The following TMEM68 variants were observed in gnomAD, a reference collection of about 807,000 sequenced individuals.
The protein encoded by TMEM68 is DGAT1/2-independent enzyme synthesizing storage lipids.
In TMEM68, 25 loss-of-function variants were observed where a neutral mutation model predicts 36.9. The ratio of observed to expected loss-of-function variants is 0.68; its 90% CI spans 0.49 to 0.95. The LOEUF (loss-of-function observed/expected upper bound fraction) is 0.95. TMEM68 is among the 40% of genes least tolerant of loss of function. The probability of loss-of-function intolerance (pLI) is 0.00; values close to 1 mark genes in which losing one functional copy is unlikely to be tolerated. For synonymous variants in TMEM68, 131 were observed against 124.4 expected (o/e 1.05, Z -0.35); for missense variants, 333 against 392.0 (o/e 0.85, Z 1.27).
chr8:55,744,758 T>C (rs1048293209), intron 6 of TMEM68, among the ~76,000 whole-genome samples: 3 of 152,232 alleles, frequency 2.0e-5, no homozygotes, highest in African/African-American at 7.2e-5. Context: ...GTTGGGATAG[T>C]TTGTAAATGT....
At chr8:55,753,153 A>C (rs553020318) in intron 4 of TMEM68, among the ~76,000 whole-genome samples, 87 of 152,290 alleles carry the variant, frequency 5.7e-4, no homozygotes, top group African/African-American at 2.0e-3. Context: ...GATCATAAAG[A>C]GGAAAATTTT....
rs758170217 is a variant in TMEM68, at chr8:55,744,299, A to ATTT, written c.749-682_749-680dup. ...ATATAAAAACAAACTGACAGACTAAATTTTTTTTTTTTTTTTTTTTTTTTG... is the reference window on the plus strand; with the variant it reads ...ATATAAAAACAAACTGACAGACTAAATTTTTTTTTTTTTTTTTTTTTTTTTTTG... On this transcript the variant is annotated intron_variant, in intron 6 of 7. Coordinates refer to ENST00000434581, the MANE Select transcript of TMEM68 (RefSeq NM_001286657.2). Among the ~76,000 whole-genome samples the ATTT allele has an allele frequency of 1.3e-3, 24 of 19,178 alleles. 1 individual carries two copies. The highest frequency in any genetic ancestry group is 2.6e-3 in the South Asian group (2 of 762). 12.6% of individuals were successfully genotyped at this position (19,178 alleles called of 152,430 possible).
At chr8:55,768,237 A>G (rs1178823795) in intron 1 of TMEM68, among the ~76,000 whole-genome samples, 1 of 152,224 alleles carries the variant, frequency 6.6e-6, no homozygotes, top group Non-Finnish European at 1.5e-5. Context: ...ATAGTAGGAA[A>G]CAAAACACTT....
chr8:55,763,717 C>CACGTTTTT (rs1810878110), intron 2 of TMEM68: 2 of 47,006 alleles, frequency 4.3e-5, no homozygotes, highest in East Asian at 2.3e-3. Context: ...CAAAAGAAAA[C>CACGTTTTT]ATCAATATCT....
chr8:55,771,879 T>C (rs528598614), intron 1 of TMEM68, among the ~76,000 whole-genome samples: 2 of 152,360 alleles, frequency 1.3e-5, no homozygotes, highest in South Asian at 2.1e-4. Flanking sequence ...TTTGTCAAGA[T>C]AGCTGGTAAA....
Position 55,745,051 on chromosome 8 carries a change from C to G in TMEM68, c.748+10G>C. 1 of 1,478,644 alleles carries G rather than the reference C, an allele frequency of 6.8e-7. No individual in the cohort carries two copies. Among genetic ancestry groups the G allele is most frequent in the Non-Finnish European group, 9.0e-7 (1 of 1,116,254 alleles). The allele number at this position is 1,478,644 out of a possible 1,614,324, so 91.6% of individuals were successfully genotyped here. ...CATTGTAATTTAAAACCATACAAAT[C>G]AGAACTTACTTGTTCCTCCAAGTGA... On this transcript the variant is annotated intron_variant, in intron 6 of 7. Transcript: ENST00000434581.
chr8:55,773,364 A>C lies in TMEM68; in HGVS notation c.-210T>G. 2.5e-6 allele frequency: 1 copy of C among 396,202 alleles called. No homozygotes were observed. The highest frequency in any genetic ancestry group is 4.5e-6 in the Non-Finnish European group (1 of 220,600). The allele number at this position is 396,202 out of a possible 1,614,324, so 24.5% of individuals were successfully genotyped here. ...CCTCCGAAGCAACCCGTGTGAAAGAAGCCAAGCGGCGGCTGCAGCCCGGGC... is the reference window on the plus strand; with the variant it reads ...CCTCCGAAGCAACCCGTGTGAAAGACGCCAAGCGGCGGCTGCAGCCCGGGC... On this transcript the variant is annotated 5_prime_UTR_variant, in exon 1 of 8. Transcript: ENST00000434581.
chr8:55,758,903 T>C (rs559991006), intron 3 of TMEM68, among the ~76,000 whole-genome samples: 1 of 152,154 alleles, frequency 6.6e-6, no homozygotes, highest in South Asian at 2.1e-4. Context: ...ATGGAAACTA[T>C]AAAAAAATAG....
chr8:55,762,931 A>AC lies in TMEM68; in HGVS notation c.28dup (p.Val10GlyfsTer66). ...CATATAGGGCACAGAATCCTGTCCT[A>AC]CACCACAGGTTTGATTTTTGTCTAT... On this transcript the variant is annotated frameshift_variant, in exon 3 of 8. Coordinates refer to ENST00000434581, the MANE Select transcript of TMEM68 (RefSeq NM_001286657.2). LOFTEE classifies it high-confidence loss of function. 1 of 1,596,908 alleles carries AC rather than the reference A, an allele frequency of 6.3e-7. No homozygotes were observed. The highest frequency in any genetic ancestry group is 8.5e-7 in the Non-Finnish European group (1 of 1,173,102).
At chr8:55,758,584 A>C (rs1810679429) in intron 3 of TMEM68, among the ~76,000 whole-genome samples, 1 of 152,256 alleles carries the variant, frequency 6.6e-6, no homozygotes. Context: ...AGATGGTAGG[A>C]CTTTTGAGCC....
At chr8:55,767,920 C>T (rs969098895) in intron 1 of TMEM68, among the ~76,000 whole-genome samples, 3 of 151,760 alleles carry the variant, frequency 2.0e-5, no homozygotes, top group African/African-American at 4.9e-5. Flanking sequence ...TGGGCAACAA[C>T]AGCGAAACTC....
At position 55,739,492 on chromosome 8, in the gene TMEM68, A is replaced by C. The variant is rs1810030479; in HGVS notation, c.*640T>G. On this transcript the variant is annotated 3_prime_UTR_variant, in exon 8 of 8. Coordinates refer to ENST00000434581, the MANE Select transcript of TMEM68 (RefSeq NM_001286657.2). ...TGTGCTTGGCAACTGGACATGACAT[A>C]ATTTAAACACACAATGGAGAAAATA... 1 of 14,888 alleles carries C rather than the reference A, an allele frequency of 6.7e-5. No individual in the cohort carries two copies. The highest frequency in any genetic ancestry group is 0.026 in the Middle Eastern group (1 of 38). 0.9% of individuals were successfully genotyped at this position (14,888 alleles called of 1,614,324 possible). A position where few individuals can be genotyped will look rare whatever the true frequency, so the allele number is the denominator to read the frequency against.
chr8:55,743,123 C>T (rs1436333715), intron 7 of TMEM68, among the ~76,000 whole-genome samples: 1 of 152,152 alleles, frequency 6.6e-6, no homozygotes, highest in Admixed American at 6.5e-5. Flanking sequence ...GTAACTGTCT[C>T]AGTGCAAATG....
intron 4 of TMEM68, among the ~76,000 whole-genome samples, chr8:55,755,725 A>T (rs1810585500): frequency 6.6e-6 from 1 of 152,058 alleles, no homozygotes; most frequent in Non-Finnish European, 1.5e-5. Flanking sequence ...CTATGCGCTA[A>T]ATCAAAATAT....
intron 5 of TMEM68, chr8:55,747,791 TTAAA>T (rs1810327279): frequency 6.6e-6 from 1 of 152,168 alleles, no homozygotes; most frequent in South Asian, 2.1e-4. Context: ...TCCTAATGTT[TTAAA>T]TAGTTATAAA....
At chr8:55,741,707 GAAGAA>G (rs1172795295) in intron 7 of TMEM68, among the ~76,000 whole-genome samples, 8 of 152,290 alleles carry the variant, frequency 5.3e-5, no homozygotes, top group Admixed American at 5.2e-4. Context: ...AGGAGCATGA[GAAGAA>G]AAGAGTCCAG....
At chr8:55,760,334 C>G (rs1177678845) in intron 3 of TMEM68, among the ~76,000 whole-genome samples, 1 of 152,200 alleles carries the variant, frequency 6.6e-6, no homozygotes, top group East Asian at 1.9e-4. Flanking sequence ...GTCAGACACA[C>G]CATTACAGAC....
chr8:55,756,677 C>T (rs1316336310), intron 3 of TMEM68, among the ~76,000 whole-genome samples: 3 of 152,112 alleles, frequency 2.0e-5, no homozygotes, highest in Non-Finnish European at 2.9e-5. Flanking sequence ...GGAAGGCACT[C>T]ACACAGGTGG....
intron 4 of TMEM68, among the ~76,000 whole-genome samples, chr8:55,754,489 A>C (rs1810515995): frequency 7.8e-6 from 1 of 128,214 alleles, no homozygotes; most frequent in Non-Finnish European, 1.7e-5. Context: ...ACACACACAC[A>C]CACATACATA....
Sources: allele counts gnomAD v4.1 joint callset (sites outside exome capture counted in the v4.1 genomes callset), GRCh38; gene constraint gnomAD v4.1.1; transcripts MANE v1.5; gene names NCBI Gene and HGNC (gene_info 2026-07-23, HGNC 2026-07-21).